The following DSCC1 variants were observed in gnomAD, a reference collection of about 807,000 sequenced individuals.
DSCC1 encodes the protein DNA replication and sister chromatid cohesion 1, also known as sister chromatid cohesion protein DCC1.
In DSCC1, 32 loss-of-function variants were observed where a neutral mutation model predicts 48.2. That is an observed-to-expected ratio of 0.66 (90% CI 0.50 to 0.89). DSCC1 has a LOEUF of 0.89. Ranked by LOEUF, DSCC1 falls within the 40% of genes least tolerant of loss-of-function variation. The probability of loss-of-function intolerance (pLI) is 0.00; values close to 1 mark genes in which losing one functional copy is unlikely to be tolerated. For synonymous variants in DSCC1, 150 were observed against 171.5 expected (o/e 0.87, Z 0.98); for missense variants, 421 against 471.7 (o/e 0.89, Z 1.00).
chr8:119,852,873 CAACA>C (rs1485840829), intron 2 of DSCC1, 170 bp downstream of exon 2: 2 of 539,592 alleles, frequency 3.7e-6, no homozygotes, highest in Admixed American at 4.1e-5. Flanking sequence ...CACAAGACTC[CAACA>C]AACAAGCAAT....
intron 2 of DSCC1, among the ~76,000 whole-genome samples, chr8:119,851,315 G>A (rs1826940941): frequency 6.6e-6 from 1 of 152,214 alleles, no homozygotes. Context: ...CCTAGAGCCT[G>A]AAGGAGATGT....
intron 5 of DSCC1, 81 bp downstream of exon 5, chr8:119,843,528 G>T: frequency 6.8e-7 from 1 of 1,472,122 alleles, no homozygotes. Flanking sequence ...TGTAGTTTAT[G>T]CCCTGGGTTT....
At chr8:119,852,627 T>C (rs1191582897) in intron 2 of DSCC1, 3 of 156,102 alleles carry the variant, frequency 1.9e-5, no homozygotes, top group African/African-American at 7.2e-5. Context: ...AGTGCTAGGA[T>C]TACAGGCGTG....
In DSCC1 at chr8:119,834,688, CTG is replaced by C. The variant is rs1439236529; in HGVS notation, c.*203_*204del. On this transcript the variant is annotated 3_prime_UTR_variant, in exon 9 of 9. Coordinates refer to ENST00000313655, the MANE Select transcript of DSCC1 (RefSeq NM_024094.3). ...AAGAATTCTTTTGTCCTTGTTTACA[CTG>C]TGTACATAGTACAAATATAATTTTA... 28 of 503,246 alleles carry C rather than the reference CTG, an allele frequency of 5.6e-5. No homozygotes were observed. The East Asian group carries it at 8.0e-4, about 14-fold the overall frequency. 31.2% of individuals were successfully genotyped at this position (503,246 alleles called of 1,614,324 possible).
chr8:119,842,847 C>T lies in DSCC1; in HGVS notation c.717-19G>A. 1 of 1,588,292 alleles carries T rather than the reference C, an allele frequency of 6.3e-7. No individual in the cohort carries two copies. The highest frequency in any genetic ancestry group is 8.6e-7 in the Non-Finnish European group (1 of 1,169,152). ...CATTTCCCTGAAAAATTTAAAACAC[C>T]CACTTGAAAAGTTATAAGCATTTTT... On this transcript the variant is annotated intron_variant, in intron 5 of 8. Transcript: ENST00000313655.
intron 5 of DSCC1, 97 bp downstream of exon 5, chr8:119,843,512 A>G (rs1228215646): frequency 3.4e-6 from 5 of 1,449,328 alleles, no homozygotes; most frequent in Non-Finnish European, 4.6e-6. Flanking sequence ...ATCAAAATAC[A>G]ATGATTGTAG....
At chr8:119,846,912 G>T in intron 4 of DSCC1, 78 bp downstream of exon 4, 1 of 1,261,308 alleles carries the variant, frequency 7.9e-7, no homozygotes, top group South Asian at 1.2e-5. Flanking sequence ...ATACGCAGTA[G>T]GGTGAAGATG....
intron 4 of DSCC1, among the ~76,000 whole-genome samples, chr8:119,844,272 G>C (rs190874857): frequency 6.6e-6 from 1 of 151,478 alleles, no homozygotes; most frequent in Admixed American, 6.6e-5. Flanking sequence ...ACCCCATCTC[G>C]ACTAAAAATA....
intron 2 of DSCC1, 75 bp from the exon 3 acceptor site, chr8:119,850,591 A>G: frequency 7.6e-7 from 1 of 1,307,734 alleles, no homozygotes; most frequent in Non-Finnish European, 1.0e-6. Flanking sequence ...CAACTAATCA[A>G]TCTGCCCCCT....
chr8:119,842,033 C>A, intron 6 of DSCC1, 85 bp from the exon 7 acceptor site: 1 of 1,451,696 alleles, frequency 6.9e-7, no homozygotes. Context: ...GCTGCAGTTT[C>A]TTGAAAGGAA....
chr8:119,852,147 T>C (rs1039259085), intron 2 of DSCC1, among the ~76,000 whole-genome samples: 1 of 152,174 alleles, frequency 6.6e-6, no homozygotes, highest in Non-Finnish European at 1.5e-5. Context: ...CCTAAAGTCA[T>C]TCCCAAAGAA....
At position 119,850,528 on chromosome 8, in the gene DSCC1, A is replaced by G; in HGVS notation, c.352-12T>C. 4 of 1,484,596 alleles carry G rather than the reference A, an allele frequency of 2.7e-6. No homozygotes were observed. Among genetic ancestry groups the G allele is most frequent in the Non-Finnish European group, 3.5e-6 (4 of 1,133,494 alleles). 92.0% of individuals were successfully genotyped at this position (1,484,596 alleles called of 1,614,324 possible). On this transcript the variant is annotated splice_polypyrimidine_tract_variant and intron_variant, in intron 2 of 8. Coordinates refer to ENST00000313655, the MANE Select transcript of DSCC1 (RefSeq NM_024094.3). Reference sequence around the variant, plus strand: ...GAAAAACCAAAGATCTAGAAATTATATATATCGTAACCTTTTAGGGGCCAT... The same window carrying G: ...GAAAAACCAAAGATCTAGAAATTATGTATATCGTAACCTTTTAGGGGCCAT...
In DSCC1 at chr8:119,843,727, A is replaced by G; in HGVS notation, c.598T>C (p.Phe200Leu). The stretch of plus-strand genomic sequence containing the variant: ...TTCAGAAGTTTCATCTCATAATCAA[A>G]TTCAAGAATCCTCCAATAACCTACA... ...KIGGYWRILE[F>L]DYEMKLLNHV... The change falls in exon 5 of 9, where the codon TTT becomes CTT. Residue 200 changes from phenylalanine (F) to leucine (L), a missense_variant. By Grantham distance (22) the Phe-to-Leu change is conservative (BLOSUM62 0). This residue lies in a region of DSCC1 where 238 missense variants were observed against 259.0 expected (regional missense o/e 0.92). Coordinates refer to ENST00000313655, the MANE Select transcript of DSCC1 (RefSeq NM_024094.3). 6.2e-7 allele frequency: 1 copy of G among 1,609,438 alleles called. No homozygotes were observed. Among genetic ancestry groups the G allele is most frequent in the South Asian group, 1.1e-5 (1 of 89,440 alleles).
intron 5 of DSCC1, 143 bp downstream of exon 5, chr8:119,843,466 C>T: frequency 8.0e-7 from 1 of 1,247,024 alleles, no homozygotes; most frequent in Non-Finnish European, 1.1e-6. Flanking sequence ...ATTCCCAAAT[C>T]TTCTTCGGTT....
At chr8:119,837,821 T>C (rs1196701387) in intron 8 of DSCC1, among the ~76,000 whole-genome samples, 2 of 152,122 alleles carry the variant, frequency 1.3e-5, no homozygotes, top group Non-Finnish European at 2.9e-5. Context: ...GACAAAGTTG[T>C]AGTGTTAGTG....
At position 119,850,477 on chromosome 8, in the gene DSCC1, G is replaced by A. The variant is rs750396988; in HGVS notation, c.391C>T (p.Arg131Cys). 4.0e-5 allele frequency: 63 copies of A among 1,591,498 alleles called. No individual in the cohort carries two copies. The highest frequency in any genetic ancestry group is 3.9e-4 in the East Asian group (17 of 43,778). ...FSNNYWELRRRRPKLKKLKKL... is the reference protein window; with the variant it reads ...FSNNYWELRRCRPKLKKLKKL... The stretch of plus-strand genomic sequence containing the variant: ...TTTAGCTTCTTTAACTTGGGTCTAC[G>A]TCTTCTTAATTCCCAATAATTATTA... The change falls in exon 3 of 9, where the codon CGT becomes TGT. Residue 131 changes from arginine to cysteine, a missense_variant. Arg to Cys is a radical substitution (Grantham distance 180). Coordinates refer to ENST00000313655, the MANE Select transcript of DSCC1 (RefSeq NM_024094.3).
intron 1 of DSCC1, among the ~76,000 whole-genome samples, chr8:119,853,530 A>G (rs565113555): frequency 6.6e-6 from 1 of 152,386 alleles, no homozygotes; most frequent in South Asian, 2.1e-4. Flanking sequence ...AAGACAAAGC[A>G]TCCTGAAGCT....
intron 6 of DSCC1, 22 bp downstream of exon 6, chr8:119,842,754 G>A (rs2131299083): frequency 1.3e-6 from 2 of 1,597,354 alleles, no homozygotes; most frequent in South Asian, 1.1e-5. Flanking sequence ...AGAGTTAAAT[G>A]AGAATACTTT....
chr8:119,847,967 T>C (rs1275947365), intron 3 of DSCC1, among the ~76,000 whole-genome samples: 1 of 150,376 alleles, frequency 6.6e-6, no homozygotes, highest in Non-Finnish European at 1.5e-5. Context: ...GCCTGGCCTC[T>C]TTTTGTTTTT....
Sources: gnomAD v4.1 joint callset for allele counts (sites outside exome capture counted in the v4.1 genomes callset) on GRCh38, gnomAD v4.1.1 for gene constraint, gnomAD v4.1.1 regional missense constraint, MANE v1.5 for transcripts, NCBI Gene and HGNC (gene_info 2026-07-23, HGNC 2026-07-21) for gene names.